CPA6: variants seen among roughly 807,000 people sequenced by gnomAD.
The protein encoded by CPA6 is carboxypeptidase B.
A neutral mutation model predicts 63.3 loss-of-function variants in CPA6; 58 were observed. The ratio of observed to expected loss-of-function variants is 0.92; its 90% CI spans 0.74 to 1.14. The LOEUF is 1.14. CPA6 is among the 50% of genes most tolerant of loss of function. CPA6 has a pLI of 0.00. For synonymous variants in CPA6, 185 were observed against 179.0 expected, an observed-to-expected ratio of 1.03 and a Z score of -0.27; for missense variants, 565 against 526.6, an observed-to-expected ratio of 1.07 and a Z score of -0.71.
chr8:67,675,248 G>A (rs1287167332), intron 1 of CPA6, among the ~76,000 whole-genome samples: 5 of 152,114 alleles, frequency 3.3e-5, no homozygotes, highest in East Asian at 3.9e-4. Flanking sequence ...ACTGGCTCTC[G>A]GCACCTTTCC....
chr8:67,641,542 A>G (rs1815591818), intron 1 of CPA6, among the ~76,000 whole-genome samples: 2 of 152,260 alleles, frequency 1.3e-5, no homozygotes, highest in Non-Finnish European at 2.9e-5. Context: ...TTGAAAGTGC[A>G]GTATGGAGTG....
intron 8 of CPA6, among the ~76,000 whole-genome samples, chr8:67,461,188 C>T (rs1326362876): frequency 2.1e-5 from 3 of 142,702 alleles, no homozygotes; most frequent in Admixed American, 7.1e-5. Flanking sequence ...CTCTGGTTTT[C>T]CTAGGCAGAG....
At chr8:67,711,791 C>T (rs756125665) in intron 1 of CPA6, among the ~76,000 whole-genome samples, 2 of 151,934 alleles carry the variant, frequency 1.3e-5, no homozygotes, top group East Asian at 1.9e-4. Flanking sequence ...AGTCTAATCA[C>T]GAGCCATTCA....
In CPA6 at chr8:67,638,724, C is replaced by T. The variant is rs916914137; in HGVS notation, c.117-14473G>A. ...CTCAATTTGAGGCATTACTGAAGGACCAATCCATGGTCCTTTAGAGTTTCC... is the reference window on the plus strand; with the variant it reads ...CTCAATTTGAGGCATTACTGAAGGATCAATCCATGGTCCTTTAGAGTTTCC... On this transcript the variant is annotated intron_variant, in intron 1 of 10. Transcript: ENST00000297770. Among the ~76,000 whole-genome samples the T allele has an allele frequency of 1.1e-4, 16 of 151,622 alleles. 1 individual carries two copies. Among genetic ancestry groups the T allele is most frequent in the African/African-American group, 3.9e-4 (16 of 40,870 alleles).
Position 67,485,739 on chromosome 8 carries a change from G to A in CPA6, c.637-950C>T, listed in dbSNP as rs375769469. ...GCCAGGAATGGATTTGTTGGGTCATGGATTTACATGTTTTTAATTATGCTA... is the reference window on the plus strand; with the variant it reads ...GCCAGGAATGGATTTGTTGGGTCATAGATTTACATGTTTTTAATTATGCTA... On this transcript the variant is annotated intron_variant, in intron 6 of 10. Coordinates refer to ENST00000297770, the MANE Select transcript of CPA6 (RefSeq NM_020361.5). 9.2e-5 allele frequency among the ~76,000 whole-genome samples: 14 copies of A among 152,228 alleles called. 1 individual carries two copies. In the East Asian group the frequency reaches 9.6e-4, roughly 10 times the overall value.
Position 67,698,601 on chromosome 8 carries a change from C to T in CPA6, c.116+47413G>A, listed in dbSNP as rs146104416. Among the ~76,000 whole-genome samples the T allele has an allele frequency of 2.1e-3, 324 of 152,202 alleles. 1 individual carries two copies. Among genetic ancestry groups the T allele is most frequent in the Admixed American group, 5.2e-3 (79 of 15,290 alleles). On this transcript the variant is annotated intron_variant, in intron 1 of 10. Coordinates refer to ENST00000297770, the MANE Select transcript of CPA6 (RefSeq NM_020361.5). The stretch of plus-strand genomic sequence containing the variant: ...GCTGTCAGCATCAATCAATATAAGT[C>T]GATATGTCTTCCGATTCTGTGTCTA...
At chr8:67,507,791 G>A (rs1467470445) in intron 5 of CPA6, among the ~76,000 whole-genome samples, 1 of 152,120 alleles carries the variant, frequency 6.6e-6, no homozygotes, top group African/African-American at 2.4e-5. Context: ...CTCAGAAGAG[G>A]AGCACTTGAG....
chr8:67,460,734 A>G (rs1012293875), intron 8 of CPA6, among the ~76,000 whole-genome samples: 2 of 152,244 alleles, frequency 1.3e-5, no homozygotes, highest in Non-Finnish European at 2.9e-5. Flanking sequence ...TATCACATTA[A>G]AGAAATTGTT....
chr8:67,597,693 C>T (rs7005868), intron 2 of CPA6, among the ~76,000 whole-genome samples: 57,768 of 151,860 alleles, frequency 0.38, 11,781 homozygotes, highest in East Asian at 0.52. Context: ...TTTTTAATTC[C>T]GCAATATCAC....
At chr8:67,606,526 C>T (rs1814642008) in intron 2 of CPA6, among the ~76,000 whole-genome samples, 1 of 152,122 alleles carries the variant, frequency 6.6e-6, no homozygotes, top group African/African-American at 2.4e-5. Context: ...AGATTACCTG[C>T]CCCCTGCAGC....
chr8:67,537,357 T>G (rs1174163550), intron 2 of CPA6, among the ~76,000 whole-genome samples: 1 of 152,234 alleles, frequency 6.6e-6, no homozygotes, highest in Non-Finnish European at 1.5e-5. Context: ...TATTAATTAC[T>G]GCCTCAATTT....
chr8:67,465,769 T>C (rs939622953), intron 8 of CPA6, among the ~76,000 whole-genome samples: 1 of 152,246 alleles, frequency 6.6e-6, no homozygotes, highest in Non-Finnish European at 1.5e-5. Flanking sequence ...TTGATTTGTA[T>C]ATGTTAAACC....
At chr8:67,603,305 GTTTTAA>G (rs992656564) in intron 2 of CPA6, among the ~76,000 whole-genome samples, 1 of 151,714 alleles carries the variant, frequency 6.6e-6, no homozygotes, top group Non-Finnish European at 1.5e-5. Context: ...GTCCCAAACT[GTTTTAA>G]TTTTAACAAT....
chr8:67,581,423 A>C (rs1473683591), intron 2 of CPA6, among the ~76,000 whole-genome samples: 1 of 152,216 alleles, frequency 6.6e-6, no homozygotes, highest in Admixed American at 6.5e-5. Context: ...TGGTAGTCAA[A>C]GTATATGCTG....
intron 8 of CPA6, among the ~76,000 whole-genome samples, chr8:67,475,726 T>C (rs1310487881): frequency 6.6e-6 from 1 of 151,214 alleles, no homozygotes; most frequent in African/African-American, 2.5e-5. Flanking sequence ...CCTTCCCTTC[T>C]CTTTTTTTCT....
At chr8:67,658,471 T>C (rs1468141012) in intron 1 of CPA6, among the ~76,000 whole-genome samples, 1 of 152,200 alleles carries the variant, frequency 6.6e-6, no homozygotes, top group Non-Finnish European at 1.5e-5. Flanking sequence ...TACCCACCTC[T>C]AAACATCATT....
At chr8:67,465,835 G>A (rs977622206) in intron 8 of CPA6, among the ~76,000 whole-genome samples, 1 of 152,132 alleles carries the variant, frequency 6.6e-6, no homozygotes, top group Admixed American at 6.5e-5. Context: ...ACTTTTTAAT[G>A]TGCTGCTGGG....
chr8:67,504,881 G>T (rs1811897024), intron 6 of CPA6, among the ~76,000 whole-genome samples: 1 of 152,112 alleles, frequency 6.6e-6, no homozygotes, highest in African/African-American at 2.4e-5. Flanking sequence ...ACACATGATG[G>T]CCCTGTGCAG....
chr8:67,566,726 C>T (rs1813345632), intron 2 of CPA6, among the ~76,000 whole-genome samples: 1 of 152,194 alleles, frequency 6.6e-6, no homozygotes, highest in African/African-American at 2.4e-5. Flanking sequence ...GATCAGTATG[C>T]CAGTTCACCC....
Sources: gnomAD v4.1 joint callset for allele counts (sites outside exome capture counted in the v4.1 genomes callset) on GRCh38, gnomAD v4.1.1 for gene constraint, MANE v1.5 for transcripts, NCBI Gene and HGNC (gene_info 2026-07-23, HGNC 2026-07-21) for gene names.